PDCD1LG2: variants seen among roughly 807,000 people sequenced by gnomAD.
PDCD1LG2 encodes B7 dendritic cell molecule.
In PDCD1LG2, 32 loss-of-function variants were observed where a neutral mutation model predicts 28.2. The ratio of observed to expected loss-of-function variants is 1.13; its 90% confidence interval spans 0.86 to 1.52. The LOEUF is 1.52. Among genes scored for constraint, PDCD1LG2 ranks in the 40% most tolerant of loss-of-function variants. PDCD1LG2 has a pLI of 0.00. For missense variants in PDCD1LG2, 385 were observed against 323.8 expected (o/e 1.19, Z -1.45); for synonymous variants, 116 against 120.2 (o/e 0.97, Z 0.23).
At chr9:5,531,700 G>A (rs1336248264) in intron 2 of PDCD1LG2, among the ~76,000 whole-genome samples, 2 of 152,180 alleles carry the variant, frequency 1.3e-5, no homozygotes, top group Non-Finnish European at 2.9e-5. Flanking sequence ...GCATAGTGCA[G>A]TAAATAAATT....
intron 1 of PDCD1LG2, among the ~76,000 whole-genome samples, chr9:5,518,384 G>A (rs1423660275): frequency 6.6e-6 from 1 of 152,202 alleles, no homozygotes; most frequent in African/African-American, 2.4e-5. Context: ...AAGGAAGAAG[G>A]GGAAGTTAAA....
chr9:5,528,930 A>C (rs1042761124), intron 2 of PDCD1LG2, among the ~76,000 whole-genome samples: 1 of 151,960 alleles, frequency 6.6e-6, no homozygotes, highest in African/African-American at 2.4e-5. Context: ...GGGTTTCACT[A>C]TGTTGGCCAG....
chr9:5,511,823 A>C (rs1820064584), intron 1 of PDCD1LG2, among the ~76,000 whole-genome samples: 1 of 152,080 alleles, frequency 6.6e-6, no homozygotes, highest in African/African-American at 2.4e-5. Context: ...TTCTCCCCAG[A>C]TTTCTCCTGT....
intron 2 of PDCD1LG2, among the ~76,000 whole-genome samples, chr9:5,524,154 G>A (rs773908689): frequency 6.6e-6 from 1 of 152,212 alleles, no homozygotes; most frequent in Non-Finnish European, 1.5e-5. Flanking sequence ...TTTTGCAGGT[G>A]AGGGAACTAG....
chr9:5,514,297 A>T (rs770625374), intron 1 of PDCD1LG2, among the ~76,000 whole-genome samples: 78 of 152,210 alleles, frequency 5.1e-4, no homozygotes, highest in Non-Finnish European at 9.3e-4. Flanking sequence ...AAAGAAAGAG[A>T]TAATTAAAGC....
At chr9:5,557,865 T>A in intron 5 of PDCD1LG2, 113 bp downstream of exon 5, 1 of 1,298,338 alleles carries the variant, frequency 7.7e-7, no homozygotes, top group South Asian at 1.4e-5. Flanking sequence ...CACTCAGAGC[T>A]TATGAACCAC....
chr9:5,520,733 T>C (rs1259033091), intron 1 of PDCD1LG2, among the ~76,000 whole-genome samples: 1 of 152,170 alleles, frequency 6.6e-6, no homozygotes, highest in African/African-American at 2.4e-5. Context: ...CAGGATTCTA[T>C]AAAGAAACTG....
intron 2 of PDCD1LG2, among the ~76,000 whole-genome samples, chr9:5,527,696 A>G (rs1224194342): frequency 6.6e-6 from 1 of 152,218 alleles, no homozygotes; most frequent in African/African-American, 2.4e-5. Context: ...GCTAGGTCAC[A>G]TGGTAAGTGT....
Position 5,534,901 on chromosome 9 carries a change from A to G in PDCD1LG2, c.212A>G (p.Glu71Gly). 1 of 1,614,190 alleles carries G rather than the reference A, an allele frequency of 6.2e-7. No homozygotes were observed. The highest frequency in any genetic ancestry group is 8.5e-7 in the Non-Finnish European group (1 of 1,180,026). Residue 71 changes from glutamate (E) to glycine (G), a missense_variant, in exon 3 of 7, where the codon GAA becomes GGA. Physicochemically the swap from Glu to Gly is moderately conservative, Grantham distance 98. Transcript: ENST00000397747. The part of the protein sequence containing the change: ...KVENDTSPHR[E>G]RATLLEEQLP... ...GAAAATGATACATCCCCACACCGTG[A>G]AAGAGCCACTTTGCTGGAGGAGCAG...
At chr9:5,511,378 G>T (rs1020050951) in intron 1 of PDCD1LG2, among the ~76,000 whole-genome samples, 5 of 152,172 alleles carry the variant, frequency 3.3e-5, no homozygotes, top group Non-Finnish European at 1.5e-5. Context: ...TCAGCGAAAA[G>T]GTAGAAAAAT....
intron 4 of PDCD1LG2, among the ~76,000 whole-genome samples, chr9:5,555,598 G>A (rs1190309100): frequency 2.6e-5 from 4 of 152,172 alleles, no homozygotes; most frequent in African/African-American, 7.2e-5. Context: ...AGGTGGTTCA[G>A]AGCAGCTAAG....
intron 5 of PDCD1LG2, among the ~76,000 whole-genome samples, chr9:5,561,755 A>G (rs114849165): frequency 0.016 from 2,470 of 152,312 alleles, 55 homozygotes; most frequent in African/African-American, 0.056. Context: ...GTAACAGTTC[A>G]CCTACCAGCA....
chr9:5,512,767 C>T (rs1820086082), intron 1 of PDCD1LG2, among the ~76,000 whole-genome samples: 1 of 152,098 alleles, frequency 6.6e-6, no homozygotes, highest in Admixed American at 6.5e-5. Context: ...TTACTGTCTT[C>T]CCTCTAAAAT....
chr9:5,534,867 CA>C lies in PDCD1LG2; in HGVS notation c.182del (p.Lys61ArgfsTer22), dbSNP rs1413801762. On this transcript the variant is annotated frameshift_variant, in exon 3 of 7. Transcript: ENST00000397747. LOFTEE classifies it high-confidence loss of function. ...VNLGAITASL[Q>X]KVENDTSPHR... The stretch of plus-strand genomic sequence containing the variant: ...CCTTGGAGCAATAACAGCCAGTTTG[CA>C]AAAGGTGGAAAATGATACATCCCCA... The C allele has an allele frequency of 1.2e-6, 2 of 1,614,128 alleles. No individual in the cohort carries two copies. Among genetic ancestry groups the C allele is most frequent in the South Asian group, 1.1e-5 (1 of 91,080 alleles).
intron 3 of PDCD1LG2, among the ~76,000 whole-genome samples, chr9:5,545,045 G>A (rs963286869): frequency 1.3e-5 from 2 of 152,120 alleles, no homozygotes; most frequent in African/African-American, 4.8e-5. Flanking sequence ...TTTTACTTAG[G>A]GTTGAAAAGA....
rs759905823 is a variant in PDCD1LG2, at chr9:5,535,006, A to G, written c.317A>G (p.Tyr106Cys). The part of the protein sequence containing the change: ...DEGQYQCIII[Y>C]GVAWDYKYLT... ...GGACAGTACCAATGCATAATCATCT[A>G]TGGGGTCGCCTGGGACTACAAGTAC... is the stretch of plus-strand genomic sequence containing the variant. Residue 106 changes from tyrosine (Y) to cysteine (C), a missense_variant, in exon 3 of 7, where the codon TAT (tyrosine) becomes TGT (cysteine). Transcript: ENST00000397747. 3.7e-6 allele frequency: 6 copies of G among 1,613,580 alleles called. No homozygotes were observed. The African/African-American group carries it at 4.0e-5, about 11-fold the overall frequency.
At chr9:5,519,830 G>A (rs987889113) in intron 1 of PDCD1LG2, among the ~76,000 whole-genome samples, 4 of 152,132 alleles carry the variant, frequency 2.6e-5, no homozygotes, top group African/African-American at 9.7e-5. Context: ...TTGCCTTAGT[G>A]ACTCAAGCCC....
chr9:5,521,290 G>A (rs1476465872), intron 1 of PDCD1LG2, among the ~76,000 whole-genome samples: 6 of 152,086 alleles, frequency 3.9e-5, no homozygotes, highest in African/African-American at 1.4e-4. Flanking sequence ...TCTAAAATTG[G>A]ATAATAGTGT....
At chr9:5,528,299 C>G (rs1586798633) in intron 2 of PDCD1LG2, among the ~76,000 whole-genome samples, 1 of 148,280 alleles carries the variant, frequency 6.7e-6, no homozygotes, top group Non-Finnish European at 1.5e-5. Context: ...CACACACACA[C>G]ACATATTTTT....
Sources: gnomAD v4.1 joint callset for allele counts (sites outside exome capture counted in the v4.1 genomes callset) on GRCh38, gnomAD v4.1.1 for gene constraint, MANE v1.5 for transcripts, NCBI Gene and HGNC (gene_info 2026-07-23, HGNC 2026-07-21) for gene names.